TEX101: variants seen among roughly 807,000 people sequenced by gnomAD.
TEX101 encodes the protein testis-expressed protein 101.
A neutral mutation model predicts 18.1 loss-of-function variants in TEX101; 10 were observed. The observed-to-expected ratio is 0.55, with a 90% CI of 0.34 to 0.94. The LOEUF is 0.94. Ranked by LOEUF, TEX101 falls within the 40% of genes least tolerant of loss-of-function variation. TEX101 has a pLI of 0.02. For missense variants in TEX101, 259 were observed against 298.9 expected, an observed-to-expected ratio of 0.87 and a Z score of 0.98; for synonymous variants, 94 against 114.8, an observed-to-expected ratio of 0.82 and a Z score of 1.16.
upstream of TEX101, chr19:43,414,861 G>T (rs1177104411): frequency 1.8e-5 from 18 of 985,476 alleles, no homozygotes; most frequent in Non-Finnish European, 2.0e-5. Flanking sequence ...CGAGTGCTGT[G>T]TGGCCAGGCT....
chr19:43,415,608 A>G (rs1970465507), intron 1 of TEX101, among the ~76,000 whole-genome samples: 1 of 151,958 alleles, frequency 6.6e-6, no homozygotes, highest in African/African-American at 2.4e-5. Context: ...CTAAAAATAC[A>G]AAAAATTCAC....
chr19:43,415,966 G>C lies in TEX101; in HGVS notation c.47G>C (p.Gly16Ala). 1 of 1,614,128 alleles carries C rather than the reference G, an allele frequency of 6.2e-7. No individual in the cohort carries two copies. The highest frequency in any genetic ancestry group is 8.5e-7 in the Non-Finnish European group (1 of 1,180,004). Residue 16 changes from glycine (G) to alanine (A), a missense_variant, in exon 2 of 6, where the codon GGA (glycine) becomes GCA (alanine). Transcript: ENST00000598265. Reference protein sequence around the residue: ...IQHLLILLVLGASLLTSGLEL... With the variant: ...IQHLLILLVLAASLLTSGLEL... ...CATTTGCTGATCCTCCTGGTCCTAG[G>C]AGCCTCCCTCCTGACCTGTGCGTAT... is the stretch of plus-strand genomic sequence containing the variant.
intron 2 of TEX101, among the ~76,000 whole-genome samples, chr19:43,403,313 G>C (rs148496439): frequency 6.6e-6 from 1 of 152,118 alleles, no homozygotes; most frequent in Non-Finnish European, 1.5e-5. Context: ...TACTGTGTGC[G>C]GCACTAGAAA....
chr19:43,393,074 G>GGGAAGAAAGGAAGGAAGGAAGGAA, the TEX101 span, among the ~76,000 whole-genome samples: 1 of 129,402 alleles, frequency 7.7e-6, no homozygotes, highest in South Asian at 2.8e-4. Flanking sequence ...AAAGAAAGAA[G>GGGAAGAAAGGAAGGAAGGAAGGAA]GGAAGGAAGG....
intron 2 of TEX101, among the ~76,000 whole-genome samples, chr19:43,403,075 C>T (rs1970331910): frequency 6.6e-6 from 1 of 152,156 alleles, no homozygotes; most frequent in African/African-American, 2.4e-5. Context: ...TCCCAACTGC[C>T]ATCTGGCGAT....
upstream of TEX101, among the ~76,000 whole-genome samples, chr19:43,413,013 T>TA (rs1159914102): frequency 5.9e-5 from 9 of 151,970 alleles, no homozygotes; most frequent in Admixed American, 4.6e-4. Flanking sequence ...CCCTAGGAGT[T>TA]AAAAAAAGTA....
chr19:43,416,072 C>A (rs55891962), intron 2 of TEX101, 27 bp from the exon 3 acceptor site: 1 of 1,607,314 alleles, frequency 6.2e-7, no homozygotes, highest in South Asian at 1.1e-5. Flanking sequence ...TGGAGAAGTG[C>A]TTATCCTTTT....
intron 3 of TEX101, among the ~76,000 whole-genome samples, chr19:43,409,263 C>T (rs1970398198): frequency 6.6e-6 from 1 of 152,142 alleles, no homozygotes; most frequent in East Asian, 1.9e-4. Flanking sequence ...TTATTTGAAC[C>T]AGGTTTGAAC....
Position 43,418,533 on chromosome 19 carries a change from T to G in TEX101, c.*136T>G. 4 of 697,360 alleles carry G rather than the reference T, an allele frequency of 5.7e-6. No homozygotes were observed. Among genetic ancestry groups the G allele is most frequent in the Non-Finnish European group, 7.1e-6 (3 of 423,470 alleles). The allele number at this position is 697,360 out of a possible 1,614,324, so 43.2% of individuals were successfully genotyped here. A position where few individuals can be genotyped will look rare whatever the true frequency, so the allele number is the denominator to read the frequency against. On this transcript the variant is annotated 3_prime_UTR_variant, in exon 6 of 6. Coordinates refer to ENST00000598265, the MANE Select transcript of TEX101 (RefSeq NM_001130011.3). ...GATACTATGAACGTATTTGACATTT[T>G]TAATACAATTTCTGCTATAATTTTT...
intron 2 of TEX101, among the ~76,000 whole-genome samples, chr19:43,405,907 T>G (rs1970356780): frequency 6.6e-6 from 1 of 151,494 alleles, no homozygotes; most frequent in South Asian, 2.1e-4. Flanking sequence ...CCAGCAAGAC[T>G]CCATCTCAAA....
chr19:43,400,266 G>C (rs1014650665), upstream of TEX101, among the ~76,000 whole-genome samples: 1 of 152,182 alleles, frequency 6.6e-6, no homozygotes, highest in African/African-American at 2.4e-5. Context: ...TTTTTGTGGG[G>C]AGTGGTATTT....
upstream of TEX101, among the ~76,000 whole-genome samples, chr19:43,411,624 T>G (rs1161467302): frequency 6.6e-6 from 1 of 152,044 alleles, no homozygotes; most frequent in Non-Finnish European, 1.5e-5. Context: ...TAGACTAACC[T>G]CCTCATTTTC....
At chr19:43,411,108 G>T (rs1228970057), upstream of TEX101, among the ~76,000 whole-genome samples, 17 of 152,096 alleles carry the variant, frequency 1.1e-4, no homozygotes, top group Admixed American at 1.1e-3. Context: ...ACAGAGTCTT[G>T]CTCTGTCACC....
rs201495986 is a variant in TEX101 at position 43,406,924 on chromosome 19, G to GT, written c.15+411dup. ...AGGCTTCTTTTTGTTTTTTGTCTTT[G>GT]TTTTTTGTTTTTTTTTTTTTTTTTG... On this transcript the variant is annotated intron_variant, in intron 3 of 7. Coordinates refer to the TEX101 transcript ENST00000602198. Among the ~76,000 whole-genome samples, 225 of 101,958 alleles carry GT rather than the reference G, an allele frequency of 2.2e-3. 1 individual carries two copies. Among genetic ancestry groups the GT allele is most frequent in the Middle Eastern group, 6.2e-3 (1 of 162 alleles). The allele number at this position is 101,958 out of a possible 152,430, so 66.9% of individuals were successfully genotyped here. A position where few individuals can be genotyped will look rare whatever the true frequency, so the allele number is the denominator to read the frequency against.
At chr19:43,411,198 T>A (rs1970416112), upstream of TEX101, among the ~76,000 whole-genome samples, 1 of 152,164 alleles carries the variant, frequency 6.6e-6, no homozygotes, top group African/African-American at 2.4e-5. Context: ...CGCTGCAGCA[T>A]CCAGAGTAGC....
At chr19:43,397,684 C>A (rs987759648), upstream of TEX101, among the ~76,000 whole-genome samples, 1 of 147,498 alleles carries the variant, frequency 6.8e-6, no homozygotes, top group Non-Finnish European at 1.5e-5. Flanking sequence ...ATACCGTGAT[C>A]ACGCCTGAGA....
upstream of TEX101, among the ~76,000 whole-genome samples, chr19:43,399,523 A>G (rs1970301345): frequency 6.6e-6 from 1 of 152,072 alleles, no homozygotes; most frequent in Non-Finnish European, 1.5e-5. Context: ...TTTTTCTCTA[A>G]TGAAGAAAAC....
At chr19:43,404,118 G>A (rs1970341508) in intron 2 of TEX101, among the ~76,000 whole-genome samples, 3 of 129,918 alleles carry the variant, frequency 2.3e-5, no homozygotes, top group Admixed American at 9.2e-5. Context: ...CATGATTTAA[G>A]ACAGGTATGT....
the TEX101 span, among the ~76,000 whole-genome samples, chr19:43,395,691 G>A: frequency 4.8e-4 from 73 of 152,190 alleles, no homozygotes; most frequent in Admixed American, 8.5e-4. Context: ...TAGGCTGAAC[G>A]ACGCCTCTCA....
Sources: allele counts gnomAD v4.1 joint callset (sites outside exome capture counted in the v4.1 genomes callset), GRCh38; gene constraint gnomAD v4.1.1; transcripts MANE v1.5; gene names NCBI Gene and HGNC (gene_info 2026-07-23, HGNC 2026-07-21).